Variants in COL14A1 observed in about 807,000 individuals in gnomAD.
COL14A1 encodes the protein collagen alpha-1(XIV) chain.
Under a neutral mutation model 230.3 loss-of-function variants are expected in COL14A1, and 136 were observed. That is an observed-to-expected ratio of 0.59 (90% CI 0.51 to 0.68). The LOEUF is 0.68. Among genes scored for constraint, COL14A1 ranks in the 30% least tolerant of loss-of-function variants. The pLI is 0.00. For synonymous variants in COL14A1, 792 were observed against 784.1 expected (o/e 1.01, Z -0.17); for missense variants, 1,976 against 2,215.8 (o/e 0.89, Z 2.17).
Position 120,348,306 on chromosome 8 carries a change from CATATAT to C in COL14A1, c.5077+2756_5077+2761del, listed in dbSNP as rs375948231. Among the ~76,000 whole-genome samples, 210 of 138,690 alleles carry C rather than the reference CATATAT, an allele frequency of 1.5e-3. 1 individual carries two copies. The highest frequency in any genetic ancestry group is 5.4e-3 in the African/African-American group (202 of 37,684). 91.0% of individuals were successfully genotyped at this position (138,690 alleles called of 152,430 possible). The stretch of plus-strand genomic sequence containing the variant: ...GTATATATATGAAGCATATATAAAG[CATATAT>C]ATATATATATATGTATATGATTGAA... On this transcript the variant is annotated intron_variant, in intron 45 of 47. Coordinates refer to ENST00000297848, the MANE Select transcript of COL14A1 (RefSeq NM_021110.4).
At chr8:120,289,501 C>T in intron 33 of COL14A1, 107 bp from the exon 34 acceptor site, 6 of 969,300 alleles carry the variant, frequency 6.2e-6, no homozygotes, top group Non-Finnish European at 9.0e-6. Context: ...TGACAGAATT[C>T]TTTCTCTTCT....
chr8:120,282,086 A>G (rs183504597), intron 31 of COL14A1, among the ~76,000 whole-genome samples: 2 of 152,298 alleles, frequency 1.3e-5, no homozygotes, highest in Non-Finnish European at 1.5e-5. Flanking sequence ...AACCAACCCA[A>G]ATGTCCAACA....
chr8:120,152,278 G>C (rs1178425939), intron 2 of COL14A1, among the ~76,000 whole-genome samples: 1 of 151,692 alleles, frequency 6.6e-6, no homozygotes, highest in Non-Finnish European at 1.5e-5. Flanking sequence ...TGGCTAACAC[G>C]GTGAAACCGC....
In COL14A1 at chr8:120,341,412, A is replaced by G. The variant is rs1563391; in HGVS notation, c.4821+52A>G. ...GGCCCCAGCTTGTTGCACCCCTTCCATTGCATAAGCCTGATAAAGGATCAT... is the reference window on the plus strand; with the variant it reads ...GGCCCCAGCTTGTTGCACCCCTTCCGTTGCATAAGCCTGATAAAGGATCAT... On this transcript the variant is annotated intron_variant, in intron 43 of 47. Coordinates refer to ENST00000297848, the MANE Select transcript of COL14A1 (RefSeq NM_021110.4). The G allele has an allele frequency of 0.45, 718,696 of 1,583,402 alleles. 164,714 individuals are homozygous for G. The highest frequency in any genetic ancestry group is 0.64 in the African/African-American group (47,306 of 74,260).
At chr8:120,186,300 A>G (rs1310186299) in intron 5 of COL14A1, among the ~76,000 whole-genome samples, 1 of 152,158 alleles carries the variant, frequency 6.6e-6, no homozygotes, top group Non-Finnish European at 1.5e-5. Flanking sequence ...TACTGTACCA[A>G]ATTCTTAGGG....
rs1315028704 is a variant in COL14A1 at position 120,209,934 on chromosome 8, T to C, written c.1467+33T>C. 2.8e-6 allele frequency: 4 copies of C among 1,408,380 alleles called. 1 individual carries two copies. The South Asian group carries it at 7.3e-5, about 26-fold the overall frequency. The allele number at this position is 1,408,380 out of a possible 1,614,324, so 87.2% of individuals were successfully genotyped here. ...CTTCCTACCTATTACAGTCCTAGAA[T>C]CTTTTATTTCCTTAAATAAAATAAA... On this transcript the variant is annotated intron_variant, in intron 12 of 47. Coordinates refer to ENST00000297848, the MANE Select transcript of COL14A1 (RefSeq NM_021110.4).
chr8:120,208,684 T>C (rs1033807340), intron 11 of COL14A1, among the ~76,000 whole-genome samples: 3 of 152,184 alleles, frequency 2.0e-5, no homozygotes, highest in African/African-American at 7.2e-5. Context: ...GTCCTTGAAT[T>C]TGTCAGTAGA....
chr8:120,278,076 A>C (rs1220859378), intron 26 of COL14A1, 35 bp from the exon 27 acceptor site: 2 of 1,573,918 alleles, frequency 1.3e-6, no homozygotes, highest in African/African-American at 2.7e-5. Flanking sequence ...GGAAGTCTAC[A>C]TATGTGTGAA....
chr8:120,246,945 C>A (rs1006977820), intron 20 of COL14A1, among the ~76,000 whole-genome samples: 1 of 152,126 alleles, frequency 6.6e-6, no homozygotes, highest in Non-Finnish European at 1.5e-5. Flanking sequence ...TGAACACACC[C>A]CCAGTATTGC....
At chr8:120,327,375 C>G (rs1395494241) in intron 40 of COL14A1, among the ~76,000 whole-genome samples, 2 of 152,154 alleles carry the variant, frequency 1.3e-5, no homozygotes, top group African/African-American at 4.8e-5. Flanking sequence ...AATTCACACT[C>G]CAGAGCTCCC....
chr8:120,238,420 G>GTC (rs1818513219), intron 19 of COL14A1, among the ~76,000 whole-genome samples: 1 of 152,162 alleles, frequency 6.6e-6, no homozygotes, highest in Non-Finnish European at 1.5e-5. Context: ...GGGGAAAACT[G>GTC]TCTACTCAAG....
At chr8:120,292,717 T>G (rs1179102104) in intron 34 of COL14A1, among the ~76,000 whole-genome samples, 1 of 152,124 alleles carries the variant, frequency 6.6e-6, no homozygotes, top group Non-Finnish European at 1.5e-5. Flanking sequence ...GAGTAATTAT[T>G]ATATAAGAGA....
chr8:120,155,515 C>T (rs1387442788), intron 2 of COL14A1, among the ~76,000 whole-genome samples: 1 of 152,052 alleles, frequency 6.6e-6, no homozygotes, highest in Non-Finnish European at 1.5e-5. Flanking sequence ...CCTAGGAATC[C>T]TGAATGTTGT....
At chr8:120,223,330 C>T (rs1817990096) in intron 14 of COL14A1, among the ~76,000 whole-genome samples, 1 of 152,118 alleles carries the variant, frequency 6.6e-6, no homozygotes. Flanking sequence ...GTGACCTTCC[C>T]CTGAACCTCA....
At chr8:120,277,366 T>A (rs1819887556) in intron 26 of COL14A1, 1 of 152,128 alleles carries the variant, frequency 6.6e-6, no homozygotes, top group Non-Finnish European at 1.5e-5. Flanking sequence ...TTACCAAGCT[T>A]AGGCTGCCAT....
chr8:120,303,017 A>C (rs1820763249), intron 36 of COL14A1, among the ~76,000 whole-genome samples: 1 of 152,056 alleles, frequency 6.6e-6, no homozygotes, highest in African/African-American at 2.4e-5. Flanking sequence ...ATGGGATTGC[A>C]TTCTTGGTTT....
intron 13 of COL14A1, chr8:120,214,093 G>C (rs1817684757): frequency 4.3e-6 from 1 of 231,236 alleles, no homozygotes; most frequent in Non-Finnish European, 8.7e-6. Context: ...CAAGTTTTTT[G>C]CTTTGCTGGC....
intron 25 of COL14A1, among the ~76,000 whole-genome samples, chr8:120,268,914 A>C (rs1401657948): frequency 6.6e-6 from 1 of 151,732 alleles, no homozygotes; most frequent in Non-Finnish European, 1.5e-5. Context: ...TAATTAGCAG[A>C]TCTTGTTATT....
intron 38 of COL14A1, 135 bp from the exon 39 acceptor site, chr8:120,315,398 A>G (rs978094446): frequency 6.6e-5 from 22 of 332,920 alleles, no homozygotes; most frequent in East Asian, 3.9e-4. Flanking sequence ...AAAAAAGTGT[A>G]TATATATATA....
Sources: allele counts gnomAD v4.1 joint callset (sites outside exome capture counted in the v4.1 genomes callset), GRCh38; gene constraint gnomAD v4.1.1; transcripts MANE v1.5; gene names NCBI Gene and HGNC (gene_info 2026-07-23, HGNC 2026-07-21).